MTFR1: variants seen among roughly 807,000 people sequenced by gnomAD.
MTFR1 encodes chondrocyte protein with a poly-proline region.
A neutral mutation model predicts 38.8 loss-of-function variants in MTFR1; 28 were observed. That is an observed-to-expected ratio of 0.72 (90% CI 0.53 to 0.99). The LOEUF (loss-of-function observed/expected upper bound fraction) is 0.99, where lower values mean the gene tolerates loss of function less well. Among genes scored for constraint, MTFR1 ranks in the 50% least tolerant of loss-of-function variants. The pLI is 0.00. For synonymous variants in MTFR1, 145 were observed against 137.0 expected (o/e 1.06, Z -0.41); for missense variants, 358 against 395.5 (o/e 0.91, Z 0.81).
intron 3 of MTFR1, among the ~76,000 whole-genome samples, chr8:65,689,174 G>A (rs1405511162): frequency 6.6e-6 from 1 of 152,118 alleles, no homozygotes; most frequent in East Asian, 1.9e-4. Flanking sequence ...ATCCGTGTAT[G>A]TTATGCATTT....
exon 4 of MTFR1, chr8:65,771,014 T>G (rs574312143): frequency 2.7e-6 from 1 of 364,460 alleles, no homozygotes; most frequent in African/African-American, 2.2e-5. Context: ...GAAGATAAAT[T>G]TATAAGCCTT....
At chr8:65,680,991 C>A (rs541945138) in intron 2 of MTFR1, among the ~76,000 whole-genome samples, 1 of 149,596 alleles carries the variant, frequency 6.7e-6, no homozygotes, top group Non-Finnish European at 1.5e-5. Flanking sequence ...CGGCTCACTG[C>A]AAGCTCCGCC....
At chr8:65,730,171 C>CTTTTTTTTTTTTTTTTTTTTTTTTTTT in intron 3 of MTFR1, among the ~76,000 whole-genome samples, 1 of 86,434 alleles carries the variant, frequency 1.2e-5, no homozygotes. Context: ...TTGCGCACTT[C>CTTTTTTTTTTTTTTTTTTTTTTTTTTT]TTTTTTTTTT....
intron 3 of MTFR1, among the ~76,000 whole-genome samples, chr8:65,748,921 TTCTG>T (rs1240018773): frequency 3.9e-5 from 6 of 152,228 alleles, no homozygotes; most frequent in Non-Finnish European, 8.8e-5. Flanking sequence ...TTATCAGAAA[TTCTG>T]AATCTGCTCA....
downstream of MTFR1, among the ~76,000 whole-genome samples, chr8:65,712,366 T>G (rs1431593433): frequency 6.6e-6 from 1 of 152,132 alleles, no homozygotes; most frequent in East Asian, 1.9e-4. Flanking sequence ...TAGAGACTGC[T>G]CTGTAACCCA....
At chr8:65,731,891 T>C (rs1806903642) in intron 3 of MTFR1, among the ~76,000 whole-genome samples, 2 of 152,234 alleles carry the variant, frequency 1.3e-5, no homozygotes, top group Admixed American at 6.5e-5. Context: ...CTTAGTTATG[T>C]ACTGTCCACT....
At chr8:65,726,339 T>TC (rs142646443) in intron 3 of MTFR1, among the ~76,000 whole-genome samples, 10 of 152,126 alleles carry the variant, frequency 6.6e-5, no homozygotes, top group Admixed American at 4.6e-4. Flanking sequence ...TATTTTTTTT[T>TC]CCTAAAATAT....
intron 3 of MTFR1, among the ~76,000 whole-genome samples, chr8:65,762,814 A>G (rs777164748): frequency 3.3e-5 from 5 of 152,176 alleles, no homozygotes; most frequent in South Asian, 2.1e-4. Context: ...AAAATATTTC[A>G]GAATAAGCAT....
chr8:65,672,422 C>T (rs1406359719), intron 2 of MTFR1, among the ~76,000 whole-genome samples: 1 of 152,090 alleles, frequency 6.6e-6, no homozygotes, highest in East Asian at 1.9e-4. Flanking sequence ...ATGTATTTTC[C>T]CATTGATCTG....
At chr8:65,768,576 G>A (rs1808917324) in intron 3 of MTFR1, among the ~76,000 whole-genome samples, 1 of 152,132 alleles carries the variant, frequency 6.6e-6, no homozygotes, top group African/African-American at 2.4e-5. Context: ...TTTGTAGATT[G>A]CCCAATCTTG....
the MTFR1 span, among the ~76,000 whole-genome samples, chr8:65,778,055 A>C: frequency 6.6e-6 from 1 of 152,144 alleles, no homozygotes; most frequent in Non-Finnish European, 1.5e-5. Context: ...ATTTTGTGCC[A>C]GATTACAGAT....
chr8:65,767,609 C>T (rs1308906372), intron 3 of MTFR1, among the ~76,000 whole-genome samples: 2 of 152,098 alleles, frequency 1.3e-5, no homozygotes, highest in African/African-American at 4.8e-5. Flanking sequence ...TTGCCCCATA[C>T]CCTGGGGGAA....
In MTFR1 at chr8:65,656,424, C is replaced by A. The variant is rs76684690; in HGVS notation, c.-81+11640C>A. ...TCATAGCTCACTGTAATCTCAAACTCCTGAGTTCAAGAGATCTTTATGCCT... is the reference window on the plus strand; with the variant it reads ...TCATAGCTCACTGTAATCTCAAACTACTGAGTTCAAGAGATCTTTATGCCT... On this transcript the variant is annotated intron_variant, in intron 1 of 7. Transcript: ENST00000262146. 1.1e-4 allele frequency among the ~76,000 whole-genome samples: 17 copies of A among 151,962 alleles called. No homozygotes were observed. In the East Asian group the frequency reaches 3.3e-3, roughly 29 times the overall value.
chr8:65,661,050 T>A (rs67125822), intron 1 of MTFR1, among the ~76,000 whole-genome samples: 29,214 of 152,158 alleles, frequency 0.19, 2,970 homozygotes, highest in Middle Eastern at 0.23. Flanking sequence ...GGATCAGAGA[T>A]GCCAGGGGTT....
downstream of MTFR1, among the ~76,000 whole-genome samples, chr8:65,712,074 C>T (rs75897046): frequency 2.5e-3 from 388 of 152,294 alleles, no homozygotes; most frequent in Middle Eastern, 6.8e-3. Context: ...GGTATAAAAA[C>T]ATTCTGTTAA....
intron 1 of MTFR1, among the ~76,000 whole-genome samples, chr8:65,654,030 T>A (rs1362083614): frequency 7.1e-6 from 1 of 140,014 alleles, no homozygotes; most frequent in East Asian, 2.1e-4. Context: ...GCCATTGCAC[T>A]CCAGCCTGGG....
At chr8:65,737,579 ACTCT>A (rs1318529073) in intron 3 of MTFR1, among the ~76,000 whole-genome samples, 7 of 151,094 alleles carry the variant, frequency 4.6e-5, no homozygotes, top group South Asian at 2.1e-4. Flanking sequence ...ATCTCGGCTC[ACTCT>A]CTCTCTCTCA....
chr8:65,662,038 TC>T (rs1809435122), intron 1 of MTFR1, among the ~76,000 whole-genome samples: 6 of 78,966 alleles, frequency 7.6e-5, no homozygotes, highest in South Asian at 4.1e-4. Context: ...TCTCCCTCTC[TC>T]TCCCTCTCTC....
intron 1 of MTFR1, among the ~76,000 whole-genome samples, chr8:65,653,275 G>A (rs534262872): frequency 7.9e-5 from 12 of 152,024 alleles, no homozygotes; most frequent in East Asian, 3.9e-4. Flanking sequence ...TTGGGAGGCC[G>A]AGGTGGGTGG....
Sources: gnomAD v4.1 joint callset for allele counts (sites outside exome capture counted in the v4.1 genomes callset) on GRCh38, gnomAD v4.1.1 for gene constraint, MANE v1.5 for transcripts, NCBI Gene and HGNC (gene_info 2026-07-23, HGNC 2026-07-21) for gene names.